UBE4B: variants seen among roughly 807,000 people sequenced by gnomAD.
UBE4B encodes ubiquitin conjugation factor E4 B.
UBE4B carries 27 observed loss-of-function variants against 148.1 expected under a neutral mutation model. The ratio of observed to expected loss-of-function variants is 0.18; its 90% CI spans 0.13 to 0.25. The LOEUF is 0.25. Among genes scored for constraint, UBE4B ranks in the 10% least tolerant of loss-of-function variants. The probability of loss-of-function intolerance (pLI) is 1.00; values close to 1 mark genes in which losing one functional copy is unlikely to be tolerated. For missense variants in UBE4B, 1,170 were observed against 1,662.4 expected (o/e 0.70, Z 5.15); for synonymous variants, 596 against 619.3 (o/e 0.96, Z 0.56).
intron 2 of UBE4B, among the ~76,000 whole-genome samples, chr1:10,075,670 C>T (rs1443281892): frequency 6.6e-6 from 1 of 152,152 alleles, no homozygotes. Context: ...ATTAGCCATA[C>T]TTTGGTGGGT....
In UBE4B at chr1:10,078,772, TAGTGGAATAGGTCTTCC is replaced by T. The variant is rs1025254157; in HGVS notation, c.211+6573_211+6589del. Among the ~76,000 whole-genome samples the T allele has an allele frequency of 5.3e-5, 8 of 152,272 alleles. No homozygotes were observed. The South Asian group carries it at 1.2e-3, about 24-fold the overall frequency. On this transcript the variant is annotated intron_variant, in intron 2 of 27. Coordinates refer to ENST00000343090, the MANE Select transcript of UBE4B (RefSeq NM_001105562.3). ...TTCATCTTGACAGGATTATTAGGTC[TAGTGGAATAGGTCTTCC>T]AGTGGAATAGGTCTGCCTGTATACT...
intron 1 of UBE4B, among the ~76,000 whole-genome samples, chr1:10,071,305 G>A (rs1047416416): frequency 4.6e-5 from 7 of 152,140 alleles, no homozygotes; most frequent in Non-Finnish European, 8.8e-5. Context: ...GCATAGGCTG[G>A]GCATGGTGCT....
At chr1:10,092,326 G>C (rs1644860312) in intron 2 of UBE4B, among the ~76,000 whole-genome samples, 1 of 152,098 alleles carries the variant, frequency 6.6e-6, no homozygotes, top group Non-Finnish European at 1.5e-5. Flanking sequence ...CCAGGTTAAA[G>C]CGATTCTTCT....
rs560153635 is a variant in UBE4B, at chr1:10,066,311, G to A, written c.25-5717G>A. On this transcript the variant is annotated intron_variant, in intron 1 of 27. Transcript: ENST00000343090. ...ATTTTTTATTTTTTGTGGGATTGGGGGGGGAGGGGGTCTTGCCATGTTCCC... is the reference window on the plus strand; with the variant it reads ...ATTTTTTATTTTTTGTGGGATTGGGAGGGGAGGGGGTCTTGCCATGTTCCC... Among the ~76,000 whole-genome samples, 58 of 151,926 alleles carry A rather than the reference G, an allele frequency of 3.8e-4. No individual in the cohort carries two copies. The South Asian group carries it at 6.0e-3, about 16-fold the overall frequency.
intron 1 of UBE4B, among the ~76,000 whole-genome samples, chr1:10,070,908 A>G (rs911766202): frequency 2.0e-5 from 3 of 152,056 alleles, no homozygotes; most frequent in Non-Finnish European, 2.9e-5. Context: ...TAAATTGGCT[A>G]TTTATTCATT....
chr1:10,101,486 G>A (rs1645010260), intron 4 of UBE4B, among the ~76,000 whole-genome samples: 1 of 121,056 alleles, frequency 8.3e-6, no homozygotes, highest in Non-Finnish European at 1.8e-5. Flanking sequence ...AATTCTTTCT[G>A]TTGGTCTTTT....
chr1:10,095,195 A>G (rs1570877282), intron 2 of UBE4B, among the ~76,000 whole-genome samples: 1 of 152,126 alleles, frequency 6.6e-6, no homozygotes, highest in African/African-American at 2.4e-5. Flanking sequence ...GGTGCAAGAG[A>G]GGTGATGAGG....
intron 19 of UBE4B, among the ~76,000 whole-genome samples, chr1:10,147,590 A>G (rs1365882470): frequency 6.6e-6 from 1 of 152,266 alleles, no homozygotes; most frequent in Non-Finnish European, 1.5e-5. Context: ...AATTAGTTAC[A>G]ATAATAGGCA....
chr1:10,095,536 A>G lies in UBE4B; in HGVS notation c.287A>G (p.Gln96Arg). The change falls in exon 3 of 28, where the codon CAA (glutamine) becomes CGA (arginine). Residue 96 changes from glutamine to arginine, a missense_variant. Transcript: ENST00000343090. ...TCGCCCTCTAATAGCCTTGAAACGC[A>G]ATCTCAGTCTCTCTCACGTTCCCAG... The part of the protein sequence containing the change: ...SSSPSNSLET[Q>R]SQSLSRSQSM... 6.2e-7 allele frequency: 1 copy of G among 1,614,180 alleles called. No individual in the cohort carries two copies. Among genetic ancestry groups the G allele is most frequent in the Non-Finnish European group, 8.5e-7 (1 of 1,180,048 alleles).
Position 10,090,815 on chromosome 1 carries a change from G to GTGTGTGTGTGTGTGTT in UBE4B, c.212-4631_212-4630insTTGTGTGTGTGTGTGT, listed in dbSNP as rs1267737260. On this transcript the variant is annotated intron_variant, in intron 2 of 27. Coordinates refer to ENST00000343090, the MANE Select transcript of UBE4B (RefSeq NM_001105562.3). ...CATTTGTGTGTGTGTGTGTGTGTGT[G>GTGTGTGTGTGTGTGTT]TGTGTGTGTGTGTGTGTAATACTGG... Among the ~76,000 whole-genome samples the GTGTGTGTGTGTGTGTT allele has an allele frequency of 2.0e-5, 3 of 151,884 alleles. No individual in the cohort carries two copies. The East Asian group carries it at 5.8e-4, about 29-fold the overall frequency.
At chr1:10,044,967 C>A (rs1346459136) in intron 1 of UBE4B, among the ~76,000 whole-genome samples, 1 of 152,090 alleles carries the variant, frequency 6.6e-6, no homozygotes, top group Non-Finnish European at 1.5e-5. Flanking sequence ...TCAGTGGGAG[C>A]CCTGACCTTG....
intron 21 of UBE4B, among the ~76,000 whole-genome samples, chr1:10,152,885 A>G (rs1404185883): frequency 1.3e-5 from 2 of 151,574 alleles, no homozygotes; most frequent in African/African-American, 2.4e-5. Context: ...GACCCAAGGG[A>G]AGAGCCTGGG....
intron 4 of UBE4B, 120 bp downstream of exon 4, chr1:10,101,315 AT>A: frequency 1.1e-6 from 1 of 878,462 alleles, no homozygotes; most frequent in Non-Finnish European, 1.7e-6. Flanking sequence ...GCAGGTGATT[AT>A]TTTTATTCTT....
chr1:10,040,319 A>G (rs569762162), intron 1 of UBE4B, among the ~76,000 whole-genome samples: 1 of 152,116 alleles, frequency 6.6e-6, no homozygotes, highest in African/African-American at 2.4e-5. Context: ...CATATTGGCC[A>G]GGCTGGTCTT....
At chr1:10,076,073 TATG>T (rs2101838808) in intron 2 of UBE4B, among the ~76,000 whole-genome samples, 1 of 151,858 alleles carries the variant, frequency 6.6e-6, no homozygotes, top group Non-Finnish European at 1.5e-5. Context: ...TTCAAGAAAA[TATG>T]ATAGCTGTCC....
Position 10,107,171 on chromosome 1 carries a change from TCTTG to T in UBE4B, c.1196+589_1196+592del, listed in dbSNP as rs974512597. ...CAGCAGTTGCAAAAGCTTCTCCCCG[TCTTG>T]TTTTTTCTTTGTTCTCTGATGGCCT... On this transcript the variant is annotated intron_variant, in intron 7 of 27. Transcript: ENST00000343090. 55 of 1,287,710 alleles carry T rather than the reference TCTTG, an allele frequency of 4.3e-5. No homozygotes were observed. In the African/African-American group the frequency reaches 7.5e-4, roughly 17 times the overall value. The allele number at this position is 1,287,710 out of a possible 1,614,324, so 79.8% of individuals were successfully genotyped here. A position where few individuals can be genotyped will look rare whatever the true frequency, so the allele number is the denominator to read the frequency against.
At chr1:10,129,514 C>T (rs1287644285) in intron 12 of UBE4B, 66 bp downstream of exon 12, 1 of 1,489,726 alleles carries the variant, frequency 6.7e-7, no homozygotes, top group Non-Finnish European at 9.3e-7. Flanking sequence ...AGGCATTCCT[C>T]TAGTGAGATG....
chr1:10,061,328 C>A (rs1051710783), intron 1 of UBE4B, among the ~76,000 whole-genome samples: 1 of 152,008 alleles, frequency 6.6e-6, no homozygotes, highest in East Asian at 1.9e-4. Context: ...GATTTTGGCC[C>A]ACTACAACCT....
At chr1:10,042,745 A>T (rs1328518796) in intron 1 of UBE4B, among the ~76,000 whole-genome samples, 1 of 152,206 alleles carries the variant, frequency 6.6e-6, no homozygotes, top group East Asian at 1.9e-4. Flanking sequence ...ATTGTTACAG[A>T]GTATTTCTGT....
Sources: gnomAD v4.1 joint callset for allele counts (sites outside exome capture counted in the v4.1 genomes callset) on GRCh38, gnomAD v4.1.1 for gene constraint, MANE v1.5 for transcripts, NCBI Gene and HGNC (gene_info 2026-07-23, HGNC 2026-07-21) for gene names.